The following CSMD3 variants were observed in gnomAD, a reference collection of about 807,000 sequenced individuals.
The protein encoded by CSMD3 is CUB and sushi domain-containing protein 3.
A neutral mutation model predicts 435.2 loss-of-function variants in CSMD3; 177 were observed. The observed-to-expected ratio is 0.41, with a 90% CI of 0.36 to 0.46. CSMD3 has a LOEUF of 0.46. Among genes scored for constraint, CSMD3 ranks in the 20% least tolerant of loss-of-function variants. The pLI is 0.34. For synonymous variants in CSMD3, 1,656 were observed against 1,520.5 expected (o/e 1.09, Z -2.07); for missense variants, 4,265 against 4,504.6 (o/e 0.95, Z 1.52).
intron 32 of CSMD3, among the ~76,000 whole-genome samples, chr8:112,447,332 C>T (rs565469089): frequency 3.9e-5 from 6 of 152,188 alleles, no homozygotes; most frequent in African/African-American, 1.4e-4. Flanking sequence ...AGCCATTACC[C>T]AGCTTCAGCA....
intron 4 of CSMD3, among the ~76,000 whole-genome samples, chr8:113,123,367 A>G (rs1362443295): frequency 6.6e-6 from 1 of 152,072 alleles, no homozygotes; most frequent in Non-Finnish European, 1.5e-5. Flanking sequence ...TATCAACTAA[A>G]TGAGGAGTCA....
At chr8:112,521,978 A>T (rs1467129334) in intron 27 of CSMD3, among the ~76,000 whole-genome samples, 1 of 151,842 alleles carries the variant, frequency 6.6e-6, no homozygotes, top group East Asian at 1.9e-4. Flanking sequence ...TGACATAAGA[A>T]ATAGAGTGAA....
At chr8:112,737,097 TAAGGTACA>T (rs1296342858) in intron 13 of CSMD3, among the ~76,000 whole-genome samples, 1 of 151,970 alleles carries the variant, frequency 6.6e-6, no homozygotes, top group African/African-American at 2.4e-5. Context: ...AAATTTGAGA[TAAGGTACA>T]AATAACTAAT....
At chr8:113,264,964 T>A (rs7825515) in intron 3 of CSMD3, among the ~76,000 whole-genome samples, 1 of 151,268 alleles carries the variant, frequency 6.6e-6, no homozygotes, top group East Asian at 1.9e-4. Flanking sequence ...TTGGAACATG[T>A]GAGGAATATG....
chr8:113,057,721 A>G (rs2088410708), intron 5 of CSMD3, among the ~76,000 whole-genome samples: 1 of 152,108 alleles, frequency 6.6e-6, no homozygotes, highest in East Asian at 1.9e-4. Flanking sequence ...TTCTATACAT[A>G]AAATGAAAAG....
At chr8:112,987,638 C>T (rs1007475154) in intron 6 of CSMD3, among the ~76,000 whole-genome samples, 4 of 152,224 alleles carry the variant, frequency 2.6e-5, no homozygotes, top group South Asian at 4.1e-4. Flanking sequence ...ATGATCTTAA[C>T]TTCTGTGAAA....
At chr8:113,374,863 CCAT>C (rs2094371155) in intron 1 of CSMD3, among the ~76,000 whole-genome samples, 1 of 134,290 alleles carries the variant, frequency 7.4e-6, no homozygotes, top group African/African-American at 3.2e-5. Flanking sequence ...AAAATGAACA[CCAT>C]AATACCATGA....
intron 32 of CSMD3, among the ~76,000 whole-genome samples, chr8:112,467,022 T>C (rs1281283034): frequency 6.6e-6 from 1 of 152,134 alleles, no homozygotes; most frequent in African/African-American, 2.4e-5. Flanking sequence ...CAAAATACAT[T>C]AAAGTAGAAA....
intron 22 of CSMD3, among the ~76,000 whole-genome samples, chr8:112,614,124 T>A (rs1005484525): frequency 2.0e-5 from 3 of 152,072 alleles, no homozygotes; most frequent in East Asian, 3.9e-4. Flanking sequence ...TGGGCAACTA[T>A]GAAGATATTT....
intron 32 of CSMD3, among the ~76,000 whole-genome samples, chr8:112,465,513 A>T (rs79728797): frequency 6.6e-6 from 1 of 152,182 alleles, no homozygotes; most frequent in African/African-American, 2.4e-5. Flanking sequence ...CTTGAGATCT[A>T]ATTATATAAA....
intron 22 of CSMD3, among the ~76,000 whole-genome samples, chr8:112,590,320 G>A (rs530994159): frequency 1.1e-4 from 17 of 151,972 alleles, no homozygotes; most frequent in Non-Finnish European, 2.5e-4. Flanking sequence ...GAATAGCCAG[G>A]AAAGACTCTC....
intron 7 of CSMD3, among the ~76,000 whole-genome samples, chr8:112,973,115 C>A (rs772293377): frequency 1.8e-4 from 28 of 151,916 alleles, no homozygotes; most frequent in Non-Finnish European, 3.5e-4. Context: ...TCAGATCATG[C>A]AGTTTCCCGT....
chr8:113,002,985 A>G (rs1054868977), intron 6 of CSMD3, among the ~76,000 whole-genome samples: 2 of 152,084 alleles, frequency 1.3e-5, no homozygotes, highest in Non-Finnish European at 2.9e-5. Flanking sequence ...CACGTCTGTA[A>G]TCCCAGCACT....
intron 3 of CSMD3, among the ~76,000 whole-genome samples, chr8:113,210,277 G>A (rs1478531843): frequency 2.0e-5 from 3 of 151,916 alleles, no homozygotes; most frequent in Admixed American, 1.3e-4. Context: ...ACAGATTCAT[G>A]GAGTATGAGC....
intron 5 of CSMD3, among the ~76,000 whole-genome samples, chr8:113,080,713 T>C (rs2089528719): frequency 6.6e-6 from 1 of 152,208 alleles, no homozygotes; most frequent in Non-Finnish European, 1.5e-5. Flanking sequence ...AAGGCTTATT[T>C]CCCTAGGTGT....
intron 35 of CSMD3, among the ~76,000 whole-genome samples, chr8:112,394,744 C>T (rs78961945): frequency 0.032 from 4,876 of 152,228 alleles, 265 homozygotes; most frequent in African/African-American, 0.11. Context: ...ACAGCATTCT[C>T]ACTCCCCAAA....
intron 6 of CSMD3, among the ~76,000 whole-genome samples, chr8:113,008,106 C>T (rs1458157698): frequency 6.6e-6 from 1 of 151,560 alleles, no homozygotes; most frequent in Admixed American, 6.6e-5. Context: ...GAGAAATTAG[C>T]TTTCAAAGGA....
chr8:112,794,586 C>A lies in CSMD3; in HGVS notation c.1972+5576G>T, dbSNP rs190119948. 2.1e-3 allele frequency among the ~76,000 whole-genome samples: 316 copies of A among 152,028 alleles called. 1 individual carries two copies. Among genetic ancestry groups the A allele is most frequent in the African/African-American group, 7.3e-3 (304 of 41,490 alleles). On this transcript the variant is annotated intron_variant, in intron 13 of 70. Coordinates refer to ENST00000297405, the MANE Select transcript of CSMD3 (RefSeq NM_198123.2). ...CTGGGATTATAGGTATGAGCCACTGCGTCCAGCCTGGACTGATAACCTTTC... is the reference window on the plus strand; with the variant it reads ...CTGGGATTATAGGTATGAGCCACTGAGTCCAGCCTGGACTGATAACCTTTC...
At chr8:112,659,897 T>C (rs2075340057) in intron 17 of CSMD3, among the ~76,000 whole-genome samples, 1 of 152,184 alleles carries the variant, frequency 6.6e-6, no homozygotes, top group Admixed American at 6.5e-5. Context: ...GTAAATAATA[T>C]TACTTTCTGT....
Sources: gnomAD v4.1 joint callset for allele counts (sites outside exome capture counted in the v4.1 genomes callset) on GRCh38, gnomAD v4.1.1 for gene constraint, MANE v1.5 for transcripts, NCBI Gene and HGNC (gene_info 2026-07-23, HGNC 2026-07-21) for gene names.